Variants in RAPGEF2 observed in about 807,000 individuals in gnomAD.
The protein encoded by RAPGEF2 is Rap guanine nucleotide exchange factor 2.
Under a neutral mutation model 186.7 loss-of-function variants are expected in RAPGEF2, and 54 were observed. The observed-to-expected ratio is 0.29, with a 90% CI of 0.23 to 0.36. The LOEUF (loss-of-function observed/expected upper bound fraction) is 0.36, where lower values mean the gene tolerates loss of function less well. Among genes scored for constraint, RAPGEF2 ranks in the 10% least tolerant of loss-of-function variants. The probability of loss-of-function intolerance (pLI) is 1.00; values close to 1 mark genes in which losing one functional copy is unlikely to be tolerated. For synonymous variants in RAPGEF2, 712 were observed against 705.9 expected (o/e 1.01, Z -0.14); for missense variants, 1,532 against 2,045.0 (o/e 0.75, Z 4.84).
intron 3 of RAPGEF2, among the ~76,000 whole-genome samples, chr4:159,208,858 G>A (rs1337288021): frequency 2.0e-5 from 3 of 151,402 alleles, no homozygotes; most frequent in Non-Finnish European, 4.4e-5. Flanking sequence ...TTTTTATAAA[G>A]TACCCCTAGG....
intron 1 of RAPGEF2, among the ~76,000 whole-genome samples, chr4:159,106,521 G>A (rs1473128913): frequency 2.0e-5 from 3 of 152,132 alleles, no homozygotes; most frequent in African/African-American, 7.2e-5. Flanking sequence ...TTGTGAGTTC[G>A]AATTTTATAA....
At chr4:159,185,130 C>G (rs1457365168) in intron 1 of RAPGEF2, among the ~76,000 whole-genome samples, 1 of 152,068 alleles carries the variant, frequency 6.6e-6, no homozygotes, top group Non-Finnish European at 1.5e-5. Flanking sequence ...CTATTACACA[C>G]TTAGTAAGAT....
chr4:159,263,477 A>G (rs374085491), intron 7 of RAPGEF2, among the ~76,000 whole-genome samples: 264 of 152,322 alleles, frequency 1.7e-3, no homozygotes, highest in African/African-American at 5.8e-3. Context: ...TCTTTCTGCT[A>G]TACCCACAAG....
intron 17 of RAPGEF2, among the ~76,000 whole-genome samples, chr4:159,336,655 A>T (rs150161255): frequency 1.3e-5 from 2 of 152,260 alleles, no homozygotes; most frequent in East Asian, 3.9e-4. Flanking sequence ...TCTTTTTCGT[A>T]TAATGTGAAA....
At chr4:159,188,016 TA>T in intron 2 of RAPGEF2, among the ~76,000 whole-genome samples, 1 of 152,298 alleles carries the variant, frequency 6.6e-6, no homozygotes, top group African/African-American at 2.4e-5. Context: ...ATTAAGTGTT[TA>T]AAAATTAAGT....
At chr4:159,297,341 A>G (rs1242134109) in intron 7 of RAPGEF2, among the ~76,000 whole-genome samples, 1 of 152,192 alleles carries the variant, frequency 6.6e-6, no homozygotes, top group African/African-American at 2.4e-5. Flanking sequence ...TTGTGGTTTT[A>G]CCATACTTAG....
intron 26 of RAPGEF2, chr4:159,351,150 G>C: frequency 6.5e-7 from 1 of 1,535,490 alleles, no homozygotes; most frequent in Non-Finnish European, 8.7e-7. Flanking sequence ...ACAGTAACAA[G>C]AATAACAATG....
intron 4 of RAPGEF2, among the ~76,000 whole-genome samples, chr4:159,221,997 A>G (rs1751588975): frequency 6.6e-6 from 1 of 152,260 alleles, no homozygotes; most frequent in South Asian, 2.1e-4. Context: ...ATATGTAAAT[A>G]GTCACAGTGG....
At position 159,187,881 on chromosome 4, in the gene RAPGEF2, C is replaced by A. The variant is rs560354616; in HGVS notation, c.140+1169C>A. On this transcript the variant is annotated intron_variant, in intron 2 of 29. Transcript: ENST00000691494. ...TCCATATATTTCCCCTTTACTCTTTCAACACTAATTAATTTGTGAGCATGT... is the reference window on the plus strand; with the variant it reads ...TCCATATATTTCCCCTTTACTCTTTAAACACTAATTAATTTGTGAGCATGT... 3.9e-5 allele frequency among the ~76,000 whole-genome samples: 6 copies of A among 152,200 alleles called. No homozygotes were observed. The East Asian group carries it at 9.6e-4, about 24-fold the overall frequency.
intron 9 of RAPGEF2, among the ~76,000 whole-genome samples, chr4:159,315,289 GT>G (rs1197043296): frequency 6.6e-6 from 1 of 151,340 alleles, no homozygotes; most frequent in Non-Finnish European, 1.5e-5. Context: ...TTCTTTTGCT[GT>G]TTTTGTCCTT....
intron 1 of RAPGEF2, among the ~76,000 whole-genome samples, chr4:159,167,117 T>TA (rs900081229): frequency 2.0e-5 from 3 of 151,806 alleles, no homozygotes; most frequent in African/African-American, 7.2e-5. Context: ...TTTACAGGAT[T>TA]AAAAAAAACC....
At chr4:159,118,028 T>C (rs962491103) in intron 1 of RAPGEF2, among the ~76,000 whole-genome samples, 1 of 152,188 alleles carries the variant, frequency 6.6e-6, no homozygotes, top group African/African-American at 2.4e-5. Flanking sequence ...ACCAATCTCC[T>C]ATAATTGTGA....
chr4:159,295,742 TGTGTGTGTGTGTGCGCGCGC>T (rs1270147550), intron 7 of RAPGEF2, among the ~76,000 whole-genome samples: 47 of 133,498 alleles, frequency 3.5e-4, no homozygotes, highest in South Asian at 8.8e-4. Context: ...TGTGTGTGTG[TGTGTGTGTGTGTGCGCGCGC>T]GCGCGCGCGC....
intron 7 of RAPGEF2, chr4:159,267,105 A>T: frequency 8.4e-7 from 1 of 1,191,846 alleles, no homozygotes; most frequent in Non-Finnish European, 1.1e-6. Context: ...GGTGAGAGAG[A>T]AATCCACTTA....
At chr4:159,318,092 C>T (rs962669489) in intron 9 of RAPGEF2, among the ~76,000 whole-genome samples, 5 of 151,738 alleles carry the variant, frequency 3.3e-5, no homozygotes, top group African/African-American at 9.7e-5. Context: ...ATAATTGCTA[C>T]AGGGAGTAGC....
chr4:159,332,758 T>C, intron 17 of RAPGEF2, 61 bp downstream of exon 17: 1 of 1,557,170 alleles, frequency 6.4e-7, no homozygotes, highest in African/African-American at 1.4e-5. Flanking sequence ...TATGCAAAGA[T>C]AGTGATGTAA....
chr4:159,215,618 G>A (rs747351665), intron 4 of RAPGEF2, among the ~76,000 whole-genome samples: 35 of 152,166 alleles, frequency 2.3e-4, no homozygotes, highest in Non-Finnish European at 3.4e-4. Context: ...AAGTCTCAAA[G>A]GAAGGGCCTT....
intron 17 of RAPGEF2, 120 bp downstream of exon 17, chr4:159,332,817 C>A: frequency 1.6e-6 from 2 of 1,232,746 alleles, no homozygotes; most frequent in Non-Finnish European, 2.2e-6. Context: ...TATGACTGAG[C>A]TATTTTGGAA....
chr4:159,267,774 G>A, intron 7 of RAPGEF2: 1 of 1,011,060 alleles, frequency 9.9e-7, no homozygotes, highest in South Asian at 4.1e-5. Context: ...TGTGCAGTCA[G>A]CCATTTTAGC....
Sources: gnomAD v4.1 joint callset for allele counts (sites outside exome capture counted in the v4.1 genomes callset) on GRCh38, gnomAD v4.1.1 for gene constraint, MANE v1.5 for transcripts, NCBI Gene and HGNC (gene_info 2026-07-23, HGNC 2026-07-21) for gene names.